ARHGAP15: variants seen among roughly 807,000 people sequenced by gnomAD.
The protein encoded by ARHGAP15 is Rho GTPase activating protein 15, also known as rho GTPase-activating protein 15.
In ARHGAP15, 51 loss-of-function variants were observed where a neutral mutation model predicts 63.7. The observed-to-expected ratio is 0.80, with a 90% CI of 0.64 to 1.01. The LOEUF (loss-of-function observed/expected upper bound fraction) is 1.01, where lower values mean the gene tolerates loss of function less well. Ranked by LOEUF, ARHGAP15 falls within the 50% of genes least tolerant of loss-of-function variation. The probability of loss-of-function intolerance (pLI) is 0.00; values close to 1 mark genes in which losing one functional copy is unlikely to be tolerated. For missense variants in ARHGAP15, 560 were observed against 564.6 expected (o/e 0.99, Z 0.08); for synonymous variants, 191 against 193.8 (o/e 0.99, Z 0.12).
At chr2:143,240,340 T>C (rs1693819253) in intron 5 of ARHGAP15, among the ~76,000 whole-genome samples, 1 of 152,162 alleles carries the variant, frequency 6.6e-6, no homozygotes, top group Admixed American at 6.5e-5. Flanking sequence ...AATGAACTTA[T>C]TTATGGAAGG....
At chr2:143,385,311 A>T (rs938095937) in intron 6 of ARHGAP15, among the ~76,000 whole-genome samples, 3 of 152,148 alleles carry the variant, frequency 2.0e-5, no homozygotes, top group Admixed American at 2.0e-4. Flanking sequence ...GCTTAAACTA[A>T]AAAAAGGTCA....
intron 4 of ARHGAP15, among the ~76,000 whole-genome samples, chr2:143,227,699 A>G (rs371563314): frequency 6.6e-6 from 1 of 152,150 alleles, no homozygotes; most frequent in East Asian, 1.9e-4. Flanking sequence ...CATAGGGTTC[A>G]TTATTCCATT....
At chr2:143,425,156 G>A (rs1473864766) in intron 6 of ARHGAP15, among the ~76,000 whole-genome samples, 1 of 152,124 alleles carries the variant, frequency 6.6e-6, no homozygotes, top group Non-Finnish European at 1.5e-5. Flanking sequence ...GTTTTGGGGA[G>A]TAAGGAGTGT....
chr2:143,413,971 G>GCGCA (rs147891307), intron 6 of ARHGAP15, among the ~76,000 whole-genome samples: 12 of 147,732 alleles, frequency 8.1e-5, no homozygotes, highest in South Asian at 4.3e-4. Flanking sequence ...GTGTGTGCGC[G>GCGCA]CTCTCTGGCA....
intron 10 of ARHGAP15, among the ~76,000 whole-genome samples, chr2:143,544,440 T>G (rs1332086454): frequency 6.6e-6 from 1 of 152,210 alleles, no homozygotes; most frequent in Non-Finnish European, 1.5e-5. Flanking sequence ...GTCATTAATA[T>G]TTGTTCACAA....
At chr2:143,622,760 A>G (rs1698686313) in intron 11 of ARHGAP15, among the ~76,000 whole-genome samples, 1 of 140,182 alleles carries the variant, frequency 7.1e-6, no homozygotes, top group Non-Finnish European at 1.5e-5. Context: ...TATAAGCCTT[A>G]GAAACGATCG....
intron 6 of ARHGAP15, among the ~76,000 whole-genome samples, chr2:143,272,830 A>G (rs912625396): frequency 6.6e-6 from 1 of 152,208 alleles, no homozygotes; most frequent in African/African-American, 2.4e-5. Context: ...GTAGAAAAAT[A>G]TTAATCAAAT....
chr2:143,400,807 TC>T (rs1687959853), intron 6 of ARHGAP15, among the ~76,000 whole-genome samples: 1 of 152,012 alleles, frequency 6.6e-6, no homozygotes, highest in Non-Finnish European at 1.5e-5. Flanking sequence ...GTCTCAATTC[TC>T]CCCCTATAGG....
intron 11 of ARHGAP15, among the ~76,000 whole-genome samples, chr2:143,566,086 A>T (rs1696210762): frequency 7.3e-6 from 1 of 137,770 alleles, no homozygotes. Flanking sequence ...AGTTGCAGAG[A>T]TGGGAAGAAA....
At chr2:143,653,510 T>C (rs371408869) in intron 12 of ARHGAP15, among the ~76,000 whole-genome samples, 1 of 152,174 alleles carries the variant, frequency 6.6e-6, no homozygotes, top group East Asian at 1.9e-4. Context: ...TTGCTAAATA[T>C]ATTGGCATAA....
intron 12 of ARHGAP15, among the ~76,000 whole-genome samples, chr2:143,686,705 T>C (rs1346747163): frequency 3.3e-5 from 5 of 152,176 alleles, no homozygotes; most frequent in South Asian, 2.1e-4. Context: ...TGTGCTTAAA[T>C]GTGTCTGGTC....
In ARHGAP15 at chr2:143,202,030, A is replaced by G. The variant is rs1426093992; in HGVS notation, c.166-104A>G. 9 of 873,646 alleles carry G rather than the reference A, an allele frequency of 1.0e-5. No homozygotes were observed. In the Admixed American group the frequency reaches 1.8e-4, roughly 17 times the overall value. The allele number at this position is 873,646 out of a possible 1,614,324, so 54.1% of individuals were successfully genotyped here. A position where few individuals can be genotyped will look rare whatever the true frequency, so the allele number is the denominator to read the frequency against. ...TTACTTCTCATTTTATATCTACTTAATTCACATGCTTGAATAACACTGAAT... is the reference window on the plus strand; with the variant it reads ...TTACTTCTCATTTTATATCTACTTAGTTCACATGCTTGAATAACACTGAAT... On this transcript the variant is annotated intron_variant, in intron 2 of 13. Transcript: ENST00000295095.
intron 6 of ARHGAP15, among the ~76,000 whole-genome samples, chr2:143,354,171 G>GA (rs1685705245): frequency 6.6e-6 from 1 of 152,118 alleles, no homozygotes; most frequent in Non-Finnish European, 1.5e-5. Flanking sequence ...CACTTTCAGA[G>GA]GGAACTGGTA....
intron 6 of ARHGAP15, among the ~76,000 whole-genome samples, chr2:143,419,289 G>T (rs1343684931): frequency 6.6e-6 from 1 of 152,058 alleles, no homozygotes; most frequent in Non-Finnish European, 1.5e-5. Context: ...TTAAATTTTG[G>T]TGAGATAATA....
chr2:143,545,315 CAG>C (rs1185932042), intron 10 of ARHGAP15, among the ~76,000 whole-genome samples: 1 of 152,194 alleles, frequency 6.6e-6, no homozygotes, highest in African/African-American at 2.4e-5. Context: ...TCCACCAACA[CAG>C]AGACACTGAG....
In ARHGAP15 at chr2:143,566,106, A is replaced by G. The variant is rs1258195868; in HGVS notation, c.1003+9621A>G. 3.3e-5 allele frequency among the ~76,000 whole-genome samples: 5 copies of G among 152,074 alleles called. No homozygotes were observed. In the East Asian group the frequency reaches 9.6e-4, roughly 29 times the overall value. ...CAGAGATGGGAAGAAATTTTTTTTC[A>G]GGTCCCCAAGCACAACGTGAAAATA... On this transcript the variant is annotated intron_variant, in intron 11 of 13. Coordinates refer to ENST00000295095, the MANE Select transcript of ARHGAP15 (RefSeq NM_018460.4).
At chr2:143,530,793 C>G (rs1197063702) in intron 10 of ARHGAP15, among the ~76,000 whole-genome samples, 1 of 152,112 alleles carries the variant, frequency 6.6e-6, no homozygotes, top group Non-Finnish European at 1.5e-5. Context: ...TTGTATGATT[C>G]TTTTGTCCTC....
Position 143,436,936 on chromosome 2 carries a change from A to T in ARHGAP15, c.597A>T (p.Ser199=), listed in dbSNP as rs199632589. 1.9e-6 allele frequency: 3 copies of T among 1,610,966 alleles called. No individual in the cohort carries two copies. In the African/African-American group the frequency reaches 4.0e-5, roughly 22 times the overall value. ...AGCCAAAGGATTCAAGTTGTCCATCAAGAAACCTGGAATTATTCAAAATCC... is the reference window on the plus strand; with the variant it reads ...AGCCAAAGGATTCAAGTTGTCCATCTAGAAACCTGGAATTATTCAAAATCC... ...DRLPKDSSCP[S]RNLELFKIQR... Residue 199 remains serine (S), a synonymous_variant, in exon 8 of 14, where the codon TCA becomes TCT. Transcript: ENST00000295095.
intron 6 of ARHGAP15, among the ~76,000 whole-genome samples, chr2:143,289,187 A>G: frequency 6.9e-6 from 1 of 145,726 alleles, no homozygotes. Context: ...AAAAGGGGGA[A>G]AAATGAAAGA....
Sources: gnomAD v4.1 joint callset for allele counts (sites outside exome capture counted in the v4.1 genomes callset) on GRCh38, gnomAD v4.1.1 for gene constraint, MANE v1.5 for transcripts, NCBI Gene and HGNC (gene_info 2026-07-23, HGNC 2026-07-21) for gene names.